The following EXOC4 variants were observed in gnomAD, a reference collection of about 807,000 sequenced individuals.
The protein encoded by EXOC4 is exocyst complex component 4, also known as SEC8-like 1.
A neutral mutation model predicts 107.2 loss-of-function variants in EXOC4; 71 were observed. The ratio of observed to expected loss-of-function variants is 0.66; its 90% confidence interval spans 0.55 to 0.81. The LOEUF (loss-of-function observed/expected upper bound fraction) is 0.81. Among genes scored for constraint, EXOC4 ranks in the 30% least tolerant of loss-of-function variants. EXOC4 has a pLI of 0.00. For synonymous variants in EXOC4, 456 were observed against 441.2 expected, an observed-to-expected ratio of 1.03 and a Z score of -0.42; for missense variants, 1,108 against 1,189.6, an observed-to-expected ratio of 0.93 and a Z score of 1.01.
chr7:133,633,392 A>G (rs1409814100), intron 10 of EXOC4, among the ~76,000 whole-genome samples: 2 of 152,158 alleles, frequency 1.3e-5, no homozygotes, highest in African/African-American at 2.4e-5. Flanking sequence ...TGATTACAAT[A>G]ATTATTCTAT....
At chr7:133,857,192 A>T (rs1162704297) in intron 11 of EXOC4, among the ~76,000 whole-genome samples, 8 of 40,106 alleles carry the variant, frequency 2.0e-4, no homozygotes, top group African/African-American at 3.4e-4. Flanking sequence ...ATATATATAT[A>T]TATATATATT....
intron 9 of EXOC4, among the ~76,000 whole-genome samples, chr7:133,519,221 C>G (rs1423781470): frequency 6.6e-6 from 1 of 151,954 alleles, no homozygotes; most frequent in East Asian, 1.9e-4. Context: ...TTGAGACCAG[C>G]CTAGGCAACA....
chr7:133,971,575 C>T (rs1347243134), intron 14 of EXOC4, among the ~76,000 whole-genome samples: 2 of 151,382 alleles, frequency 1.3e-5, no homozygotes, highest in African/African-American at 2.4e-5. Flanking sequence ...TTTCTTAAGG[C>T]AGGATGTTTG....
chr7:133,997,737 A>T, intron 15 of EXOC4, 104 bp downstream of exon 15: 1 of 1,308,420 alleles, frequency 7.6e-7, no homozygotes, highest in Non-Finnish European at 1.1e-6. Context: ...GGCTCATATT[A>T]TTGATGTTAT....
chr7:134,078,317 CTATATATAATATTA>C, the EXOC4 span, among the ~76,000 whole-genome samples: 1 of 151,048 alleles, frequency 6.6e-6, no homozygotes. Flanking sequence ...TAATAGTTAA[CTATATATAATATTA>C]TATCTATAAT....
intron 14 of EXOC4, among the ~76,000 whole-genome samples, chr7:133,970,110 C>T (rs1031652334): frequency 3.9e-5 from 6 of 152,126 alleles, no homozygotes; most frequent in Non-Finnish European, 4.4e-5. Flanking sequence ...GGTCTCCGTC[C>T]AGTTCAAACT....
At chr7:133,440,700 T>C (rs563323629) in intron 7 of EXOC4, among the ~76,000 whole-genome samples, 10 of 152,278 alleles carry the variant, frequency 6.6e-5, no homozygotes, top group African/African-American at 2.4e-4. Context: ...TCCTCACTGC[T>C]ACACTCCCAC....
At chr7:133,898,465 G>T (rs1799372132) in intron 12 of EXOC4, among the ~76,000 whole-genome samples, 1 of 152,008 alleles carries the variant, frequency 6.6e-6, no homozygotes, top group African/African-American at 2.4e-5. Context: ...TAAAACTTAG[G>T]CCCGATGCAG....
intron 9 of EXOC4, among the ~76,000 whole-genome samples, chr7:133,628,122 G>A (rs1247648304): frequency 2.0e-5 from 3 of 152,078 alleles, no homozygotes; most frequent in African/African-American, 7.2e-5. Flanking sequence ...AGATTGCTAG[G>A]GTTTTGAGGA....
In EXOC4 at chr7:134,006,965, T is replaced by C. The variant is rs894817208; in HGVS notation, c.2528-711T>C. Among the ~76,000 whole-genome samples the C allele has an allele frequency of 2.0e-5, 3 of 152,128 alleles. No individual in the cohort carries two copies. The East Asian group carries it at 5.8e-4, about 29-fold the overall frequency. On this transcript the variant is annotated intron_variant, in intron 16 of 17. Transcript: ENST00000253861. ...AGACCATAAGACAACCCTCCAGACC[T>C]AAGAGCAAACTACTTGTGGGGGGGC...
intron 12 of EXOC4, among the ~76,000 whole-genome samples, chr7:133,911,947 GA>G (rs1323892293): frequency 6.6e-6 from 1 of 152,132 alleles, no homozygotes; most frequent in African/African-American, 2.4e-5. Flanking sequence ...TTCTAGATAT[GA>G]ATGGTGAAAT....
At chr7:133,637,023 AG>A (rs1802729498) in intron 10 of EXOC4, among the ~76,000 whole-genome samples, 1 of 152,216 alleles carries the variant, frequency 6.6e-6, no homozygotes, top group South Asian at 2.1e-4. Context: ...GCAGCAGTAC[AG>A]GGTACTGTTT....
chr7:133,361,004 T>C (rs1796123736), intron 6 of EXOC4, among the ~76,000 whole-genome samples: 1 of 152,338 alleles, frequency 6.6e-6, no homozygotes, highest in Non-Finnish European at 1.5e-5. Flanking sequence ...CTAGTTTGTC[T>C]TGTTCAGTAC....
intron 6 of EXOC4, among the ~76,000 whole-genome samples, chr7:133,357,135 C>T (rs898646363): frequency 2.6e-5 from 4 of 151,956 alleles, no homozygotes; most frequent in Admixed American, 6.6e-5. Flanking sequence ...TAGAGATTGT[C>T]GATATTTAAA....
chr7:133,532,459 G>A (rs552349343), intron 9 of EXOC4, among the ~76,000 whole-genome samples: 3 of 152,040 alleles, frequency 2.0e-5, no homozygotes, highest in South Asian at 2.1e-4. Context: ...TTGGTGCTTC[G>A]TTTTGTAGGT....
At chr7:133,430,706 T>G (rs1249032779) in intron 7 of EXOC4, among the ~76,000 whole-genome samples, 1 of 152,222 alleles carries the variant, frequency 6.6e-6, no homozygotes, top group Non-Finnish European at 1.5e-5. Context: ...CCAAATTAGC[T>G]GTACCATTTT....
chr7:133,987,190 G>T (rs558581531), intron 14 of EXOC4, among the ~76,000 whole-genome samples: 9 of 152,206 alleles, frequency 5.9e-5, no homozygotes, highest in African/African-American at 1.2e-4. Context: ...GCTGGGCAAG[G>T]TTCCTCACGC....
At chr7:133,966,203 T>A (rs1387514855) in intron 14 of EXOC4, among the ~76,000 whole-genome samples, 1 of 152,248 alleles carries the variant, frequency 6.6e-6, no homozygotes, top group African/African-American at 2.4e-5. Flanking sequence ...TGAAGTTGCT[T>A]ATCAGCTTAA....
intron 12 of EXOC4, among the ~76,000 whole-genome samples, chr7:133,906,747 G>A (rs1349857025): frequency 2.6e-5 from 4 of 152,178 alleles, no homozygotes; most frequent in African/African-American, 9.7e-5. Context: ...CTCCAGATCC[G>A]GCAGGGTGTC....
Sources: allele counts gnomAD v4.1 joint callset (sites outside exome capture counted in the v4.1 genomes callset), GRCh38; gene constraint gnomAD v4.1.1; transcripts MANE v1.5; gene names NCBI Gene and HGNC (gene_info 2026-07-23, HGNC 2026-07-21).